Variants in RNASE4 observed in about 807,000 individuals in gnomAD.
The protein encoded by RNASE4 is ribonuclease 4.
For synonymous variants in RNASE4, 93 were observed against 71.4 expected, an observed-to-expected ratio of 1.30 and a Z score of -1.52; for missense variants, 194 against 192.8, an observed-to-expected ratio of 1.01 and a Z score of -0.04.
At chr14:20,693,065 T>G (rs569346622) in intron 1 of RNASE4, among the ~76,000 whole-genome samples, 2 of 151,818 alleles carry the variant, frequency 1.3e-5, no homozygotes, top group Admixed American at 1.3e-4. Flanking sequence ...GCCAGGATGG[T>G]CTCGATCTCC....
At chr14:20,686,766 C>T (rs906613371) in intron 1 of RNASE4, among the ~76,000 whole-genome samples, 1 of 152,092 alleles carries the variant, frequency 6.6e-6, no homozygotes, top group South Asian at 2.1e-4. Flanking sequence ...CTGTTACTTC[C>T]GTTATTGAAT....
chr14:20,692,315 G>A (rs906105398), intron 1 of RNASE4, among the ~76,000 whole-genome samples: 16 of 152,216 alleles, frequency 1.1e-4, no homozygotes, highest in African/African-American at 3.9e-4. Flanking sequence ...ACTTCTTGGG[G>A]AGGTAGGTCT....
intron 1 of RNASE4, among the ~76,000 whole-genome samples, chr14:20,689,932 C>T (rs1368602526): frequency 8.1e-6 from 1 of 123,336 alleles, no homozygotes; most frequent in Non-Finnish European, 1.7e-5. Context: ...AAAAAAAAAA[C>T]AGGCCGGGCG....
At chr14:20,698,702 CAT>C (rs1307068778) in intron 1 of RNASE4, among the ~76,000 whole-genome samples, 1 of 151,792 alleles carries the variant, frequency 6.6e-6, no homozygotes, top group East Asian at 1.9e-4. Flanking sequence ...TAATGTATAA[CAT>C]ATATTATTCT....
chr14:20,700,286 T>A lies in RNASE4; in HGVS notation c.*471T>A, dbSNP rs895643693. 6.0e-6 allele frequency: 1 copy of A among 167,932 alleles called. No homozygotes were observed. Among genetic ancestry groups the A allele is most frequent in the Non-Finnish European group, 1.5e-5 (1 of 68,710 alleles). 10.4% of individuals were successfully genotyped at this position (167,932 alleles called of 1,614,324 possible). A position where few individuals can be genotyped will look rare whatever the true frequency, so the allele number is the denominator to read the frequency against. On this transcript the variant is annotated 3_prime_UTR_variant, in exon 2 of 2. Coordinates refer to ENST00000555835, the MANE Select transcript of RNASE4 (RefSeq NM_002937.5). Reference sequence around the variant, plus strand: ...CTGGCCACTTATCCAGGGCTTTTTCTACTTCATCACAAGGAATGTTTTGAA... The same window carrying A: ...CTGGCCACTTATCCAGGGCTTTTTCAACTTCATCACAAGGAATGTTTTGAA...
At chr14:20,686,792 G>T (rs938133218) in intron 1 of RNASE4, among the ~76,000 whole-genome samples, 24 of 152,170 alleles carry the variant, frequency 1.6e-4, no homozygotes, top group African/African-American at 5.3e-4. Context: ...CATGCTTATA[G>T]ACCTAAAGTG....
intron 1 of RNASE4, among the ~76,000 whole-genome samples, chr14:20,697,721 G>C (rs1210369211): frequency 6.6e-6 from 1 of 152,178 alleles, no homozygotes; most frequent in African/African-American, 2.4e-5. Context: ...CATCAAACTA[G>C]GAGTTCAACT....
chr14:20,690,022 T>A (rs889289396), intron 1 of RNASE4, among the ~76,000 whole-genome samples: 1 of 145,954 alleles, frequency 6.9e-6, no homozygotes, highest in Non-Finnish European at 1.5e-5. Context: ...GAGACCATCC[T>A]GGCTAACAAG....
At chr14:20,694,557 C>T (rs1213613732) in intron 1 of RNASE4, among the ~76,000 whole-genome samples, 1 of 152,072 alleles carries the variant, frequency 6.6e-6, no homozygotes, top group Non-Finnish European at 1.5e-5. Flanking sequence ...ACCTTGGCCT[C>T]TCAAAGTGCT....
Position 20,701,094 on chromosome 14 carries a change from T to C in RNASE4, c.*1279T>C, listed in dbSNP as rs1319309678. The stretch of plus-strand genomic sequence containing the variant: ...GCTAGAGAATAACCCACTTTGACCG[T>C]AATTTCCCACTACCAACCCAAATCC... On this transcript the variant is annotated 3_prime_UTR_variant, in exon 2 of 2. Transcript: ENST00000555835. 1.3e-5 allele frequency: 2 copies of C among 152,198 alleles called. No individual in the cohort carries two copies. Among genetic ancestry groups the C allele is most frequent in the African/African-American group, 4.8e-5 (2 of 41,448 alleles). The allele number at this position is 152,198 out of a possible 1,614,324, so 9.4% of individuals were successfully genotyped here.
rs7151470 is a variant in RNASE4, at chr14:20,689,044, G to A, written c.-18+4286G>A. Among the ~76,000 whole-genome samples, 1,396 of 152,304 alleles carry A rather than the reference G, an allele frequency of 9.2e-3. 30 individuals are homozygous for A. The highest frequency in any genetic ancestry group is 0.032 in the African/African-American group (1,322 of 41,564). Reference sequence around the variant, plus strand: ...ACAGGTTTCTTTTGGGATGGCCTATGTGTGGATAAAGAGAAATTAGTGAGA... The same window carrying A: ...ACAGGTTTCTTTTGGGATGGCCTATATGTGGATAAAGAGAAATTAGTGAGA... On this transcript the variant is annotated intron_variant, in intron 1 of 1. Transcript: ENST00000555835.
chr14:20,699,391 A>G lies in RNASE4; in HGVS notation c.20A>G (p.His7Arg). 6.2e-7 allele frequency: 1 copy of G among 1,604,506 alleles called. No individual in the cohort carries two copies. Among genetic ancestry groups the G allele is most frequent in the Non-Finnish European group, 8.5e-7 (1 of 1,173,996 alleles). MALQRT[H>R]SLLLLLLLTL... Reference sequence around the variant, plus strand: ...ATACTGATGGCTCTGCAGAGGACCCATTCATTGCTTCTGCTTTTGCTGCTG... The same window carrying G: ...ATACTGATGGCTCTGCAGAGGACCCGTTCATTGCTTCTGCTTTTGCTGCTG... Residue 7 changes from histidine (H) to arginine (R), a missense_variant, in exon 2 of 2, where the codon CAT becomes CGT. By Grantham distance (29) the His-to-Arg change is conservative (BLOSUM62 0). Transcript: ENST00000555835.
intron 1 of RNASE4, among the ~76,000 whole-genome samples, chr14:20,689,304 G>C (rs1322546194): frequency 2.6e-5 from 4 of 152,194 alleles, no homozygotes; most frequent in African/African-American, 9.6e-5. Context: ...TTCAAACAAA[G>C]TGGAACACAT....
rs911735796 is a variant in RNASE4 at position 20,695,407 on chromosome 14, A to AAG, written c.-17-3947_-17-3946insGA. On this transcript the variant is annotated intron_variant, in intron 1 of 1. Coordinates refer to ENST00000555835, the MANE Select transcript of RNASE4 (RefSeq NM_002937.5). The stretch of plus-strand genomic sequence containing the variant: ...GAGACTCCATCTCAAAAAAAAAAAA[A>AAG]AAAGAAAGATCCCAGTTTATCCCAG... Among the ~76,000 whole-genome samples the AAG allele has an allele frequency of 3.9e-5, 6 of 151,970 alleles. No individual in the cohort carries two copies. The East Asian group carries it at 7.7e-4, about 19-fold the overall frequency.
At chr14:20,685,048 C>G (rs1886359587) in intron 1 of RNASE4, among the ~76,000 whole-genome samples, 1 of 152,068 alleles carries the variant, frequency 6.6e-6, no homozygotes, top group Non-Finnish European at 1.5e-5. Context: ...TAAGGGAAGC[C>G]CTAGGAGGCC....
intron 1 of RNASE4, among the ~76,000 whole-genome samples, chr14:20,689,997 T>C (rs1190942435): frequency 7.0e-6 from 1 of 143,310 alleles, no homozygotes; most frequent in Admixed American, 7.0e-5. Flanking sequence ...GGGTGGATCA[T>C]GAGGTCAGGA....
rs1187764517 is a variant in RNASE4 at position 20,690,163 on chromosome 14, C to T, written c.-18+5405C>T. On this transcript the variant is annotated intron_variant, in intron 1 of 1. Transcript: ENST00000555835. ...CCGGGAGGCGGAGCTTGCAGTGAGC[C>T]GAGATTGCGCCACTGCAGTCCGCAG... 2.2e-5 allele frequency among the ~76,000 whole-genome samples: 3 copies of T among 137,714 alleles called. No individual in the cohort carries two copies. The Admixed American group carries it at 2.2e-4, about 10-fold the overall frequency. 90.3% of individuals were successfully genotyped at this position (137,714 alleles called of 152,430 possible). A position where few individuals can be genotyped will look rare whatever the true frequency, so the allele number is the denominator to read the frequency against.
intron 1 of RNASE4, chr14:20,688,812 C>T (rs1394865556): frequency 1.0e-6 from 1 of 985,412 alleles, no homozygotes; most frequent in Non-Finnish European, 1.2e-6. Flanking sequence ...CAGGAACAAA[C>T]AGCTGGAACC....
At chr14:20,692,590 CTTT>C (rs1886824200) in intron 1 of RNASE4, among the ~76,000 whole-genome samples, 1 of 152,202 alleles carries the variant, frequency 6.6e-6, no homozygotes, top group Non-Finnish European at 1.5e-5. Context: ...ATTGTGCACT[CTTT>C]ATGAGAATCT....
Sources: gnomAD v4.1 joint callset for allele counts (sites outside exome capture counted in the v4.1 genomes callset) on GRCh38, gnomAD v4.1.1 for gene constraint, MANE v1.5 for transcripts, NCBI Gene and HGNC (gene_info 2026-07-23, HGNC 2026-07-21) for gene names.